Variants in IQCH observed in about 807,000 individuals in gnomAD.
The protein encoded by IQCH is IQ domain-containing protein H.
A neutral mutation model predicts 117.0 loss-of-function variants in IQCH; 98 were observed. The observed-to-expected ratio is 0.84, with a 90% CI of 0.71 to 0.99. IQCH has a LOEUF of 0.99. IQCH is among the 50% of genes least tolerant of loss of function. The pLI, the probability that IQCH is intolerant of heterozygous loss-of-function variation, is 0.00. For synonymous variants in IQCH, 412 were observed against 448.2 expected, an observed-to-expected ratio of 0.92 and a Z score of 1.02; for missense variants, 1,102 against 1,243.8, an observed-to-expected ratio of 0.89 and a Z score of 1.72.
rs890271280 is a variant in IQCH, at chr15:67,465,862, A to G, written c.2676+565A>G. ...ACCTGACCCCTCCTCTCTCTCCACA[A>G]AGATAGTGTCTTAGTGTCGGCTTCC... On this transcript the variant is annotated intron_variant, in intron 17 of 20. Coordinates refer to ENST00000335894, the MANE Select transcript of IQCH (RefSeq NM_001031715.3). The surrounding 1 kb of genome is among the most constrained non-coding windows in gnomAD (Gnocchi z 5.9). Among the ~76,000 whole-genome samples, 7 of 152,066 alleles carry G rather than the reference A, an allele frequency of 4.6e-5. No homozygotes were observed. Among genetic ancestry groups the G allele is most frequent in the African/African-American group, 1.7e-4 (7 of 41,392 alleles).
rs1044021020 is a variant in IQCH at position 67,390,937 on chromosome 15, G to A, written c.1632+1931G>A. Among the ~76,000 whole-genome samples, 20 of 152,200 alleles carry A rather than the reference G, an allele frequency of 1.3e-4. No homozygotes were observed. Among genetic ancestry groups the A allele is most frequent in the South Asian group, 4.1e-4 (2 of 4,828 alleles). On this transcript the variant is annotated intron_variant, in intron 12 of 20. Coordinates refer to ENST00000335894, the MANE Select transcript of IQCH (RefSeq NM_001031715.3). The surrounding 1 kb of genome is among the most constrained non-coding windows in gnomAD (Gnocchi z 5.0). ...GAGTGTGAACCAAAATCTCTCTACC[G>A]CAGAGCAGTATCATGAGTTGGAATG... is the stretch of plus-strand genomic sequence containing the variant.
At position 67,473,767 on chromosome 15, in the gene IQCH, G is replaced by C. The variant is rs993087472; in HGVS notation, c.2677-1929G>C. 6.6e-6 allele frequency among the ~76,000 whole-genome samples: 1 copy of C among 152,188 alleles called. No individual in the cohort carries two copies. Among genetic ancestry groups the C allele is most frequent in the African/African-American group, 2.4e-5 (1 of 41,442 alleles). On this transcript the variant is annotated intron_variant, in intron 17 of 20. Transcript: ENST00000335894. The surrounding 1 kb of genome is among the most constrained non-coding windows in gnomAD (Gnocchi z 4.9). ...CAAGGGAACAACTCATGATAGGTCA[G>C]GGTGACAGAGTACAGTAGTGAGGCA...
intron 4 of IQCH, among the ~76,000 whole-genome samples, chr15:67,324,092 C>G (rs1968280569): frequency 6.6e-6 from 1 of 151,416 alleles, no homozygotes; most frequent in Admixed American, 6.6e-5. Context: ...TACAGGTACC[C>G]ACCACCAGGC....
chr15:67,311,450 C>A (rs1281944422), intron 4 of IQCH, among the ~76,000 whole-genome samples: 1 of 151,126 alleles, frequency 6.6e-6, no homozygotes, highest in Non-Finnish European at 1.5e-5. Context: ...TGTAAGACTG[C>A]AGTTATTTAT....
intron 7 of IQCH, among the ~76,000 whole-genome samples, 170 bp downstream of exon 7, chr15:67,357,591 A>T (rs1032779542): frequency 6.6e-6 from 1 of 152,002 alleles, no homozygotes; most frequent in East Asian, 1.9e-4. Flanking sequence ...GTACAAGTCA[A>T]CTCTAGCATA....
intron 5 of IQCH, among the ~76,000 whole-genome samples, chr15:67,341,748 GT>G (rs2140677295): frequency 6.6e-6 from 1 of 152,238 alleles, no homozygotes; most frequent in Admixed American, 6.5e-5. Flanking sequence ...CTAGTAAGAT[GT>G]TACAGTAAAT....
Position 67,494,428 on chromosome 15 carries a change from T to G in IQCH, c.2970+62T>G. ...CTATACAAGGGCTGAAAATACCTCA[T>G]GCTGTATTGTAAACAAGTGCTAAAC... On this transcript the variant is annotated intron_variant, in intron 20 of 20. Coordinates refer to ENST00000335894, the MANE Select transcript of IQCH (RefSeq NM_001031715.3). This position sits in a 1 kb window ranked among gnomAD's most constrained non-coding sequence, Gnocchi z 5.5. The G allele has an allele frequency of 8.9e-7, 1 of 1,119,708 alleles. No homozygotes were observed. The highest frequency in any genetic ancestry group is 1.3e-6 in the Non-Finnish European group (1 of 754,194). The allele number at this position is 1,119,708 out of a possible 1,614,324, so 69.4% of individuals were successfully genotyped here.
In IQCH at chr15:67,484,792, T is replaced by C. The variant is rs187805123; in HGVS notation, c.2800-5211T>C. On this transcript the variant is annotated intron_variant, in intron 18 of 20. Coordinates refer to ENST00000335894, the MANE Select transcript of IQCH (RefSeq NM_001031715.3). ...AAAATCAACCCTTGATATATCAAGA[T>C]GAGCTGTCAGTACTCTACTGGTCTG... 4.6e-5 allele frequency among the ~76,000 whole-genome samples: 7 copies of C among 151,998 alleles called. No individual in the cohort carries two copies. The East Asian group carries it at 1.4e-3, about 29-fold the overall frequency.
At chr15:67,373,530 A>C (rs757675222) in intron 10 of IQCH, 97 bp downstream of exon 10, 8 of 849,406 alleles carry the variant, frequency 9.4e-6, no homozygotes, top group South Asian at 2.7e-5. Context: ...TGTTTTATTC[A>C]AATTGGTCTC....
intron 6 of IQCH, among the ~76,000 whole-genome samples, chr15:67,353,185 A>T (rs1434808988): frequency 6.6e-6 from 1 of 151,732 alleles, no homozygotes; most frequent in Non-Finnish European, 1.5e-5. Flanking sequence ...AGAACAATTG[A>T]TAATAAGTGA....
rs2083334019 is a variant in IQCH at position 67,481,384 on chromosome 15, CA to C, written c.2799+5567del. Among the ~76,000 whole-genome samples, 1 of 152,152 alleles carries C rather than the reference CA, an allele frequency of 6.6e-6. No homozygotes were observed. Among genetic ancestry groups the C allele is most frequent in the African/African-American group, 2.4e-5 (1 of 41,428 alleles). On this transcript the variant is annotated intron_variant, in intron 18 of 20. Coordinates refer to ENST00000335894, the MANE Select transcript of IQCH (RefSeq NM_001031715.3). This position sits in a 1 kb window ranked among gnomAD's most constrained non-coding sequence, Gnocchi z 4.1. ...AGAGAAGTGCCGAGCAAAGGGGGAA[CA>C]TCCCCTTATAAAATCATCAGATTGA...
intron 20 of IQCH, among the ~76,000 whole-genome samples, chr15:67,497,011 C>T (rs1404724148): frequency 8.5e-6 from 1 of 117,384 alleles, no homozygotes; most frequent in Non-Finnish European, 1.6e-5. Context: ...GGCGACAGAG[C>T]GAGACTCCGT....
intron 4 of IQCH, among the ~76,000 whole-genome samples, chr15:67,332,459 T>A (rs1039938598): frequency 2.9e-4 from 44 of 152,262 alleles, no homozygotes; most frequent in African/African-American, 9.4e-4. Context: ...TTAATTCTAG[T>A]AAAGTACACA....
intron 17 of IQCH, among the ~76,000 whole-genome samples, chr15:67,471,282 A>G (rs186706501): frequency 2.4e-4 from 17 of 71,412 alleles, no homozygotes; most frequent in Non-Finnish European, 3.8e-4. Flanking sequence ...ATTTCAATAG[A>G]TATTTCCAAA....
At chr15:67,339,072 G>C (rs7497337) in intron 5 of IQCH, among the ~76,000 whole-genome samples, 151,625 of 152,306 alleles carry the variant, frequency 1, 75,480 homozygotes, top group Non-Finnish European at 1. Context: ...TTCTTTACCA[G>C]TTGAGGCTCC....
chr15:67,275,566 A>T (rs188821240), intron 3 of IQCH, among the ~76,000 whole-genome samples: 1 of 152,298 alleles, frequency 6.6e-6, no homozygotes, highest in East Asian at 1.9e-4. Context: ...ATTTTTCAAC[A>T]TATATGAAAA....
At chr15:67,300,916 G>GA (rs1382098894) in intron 4 of IQCH, among the ~76,000 whole-genome samples, 1 of 152,198 alleles carries the variant, frequency 6.6e-6, no homozygotes, top group Non-Finnish European at 1.5e-5. Context: ...CTGATGAGAT[G>GA]AAAATTGAGC....
At position 67,370,647 on chromosome 15, in the gene IQCH, G is replaced by T. The variant is rs1970494061; in HGVS notation, c.754-1464G>T. ...TTTATTTTCATCTACCAAGTAGCTT[G>T]CATTCTCTTCTGGCACCCTGATTAG... On this transcript the variant is annotated intron_variant, in intron 8 of 20. Transcript: ENST00000335894. This position sits in a 1 kb window ranked among gnomAD's most constrained non-coding sequence, Gnocchi z 5.6. 6.6e-6 allele frequency among the ~76,000 whole-genome samples: 1 copy of T among 152,206 alleles called. No individual in the cohort carries two copies. The highest frequency in any genetic ancestry group is 6.5e-5 in the Admixed American group (1 of 15,284).
intron 4 of IQCH, among the ~76,000 whole-genome samples, chr15:67,296,456 C>T (rs528032785): frequency 6.1e-4 from 93 of 152,182 alleles, no homozygotes; most frequent in Admixed American, 2.1e-3. Context: ...GGTCAGATTA[C>T]GCCACCCTAA....
Sources: allele counts gnomAD v4.1 joint callset (sites outside exome capture counted in the v4.1 genomes callset), GRCh38; gene constraint gnomAD v4.1.1; non-coding constraint Gnocchi (gnomAD v3.1); transcripts MANE v1.5; gene names NCBI Gene and HGNC (gene_info 2026-07-23, HGNC 2026-07-21).